The following OPCML variants were observed in gnomAD, a reference collection of about 807,000 sequenced individuals.
The protein encoded by OPCML is opioid binding protein/cell adhesion molecule like.
Under a neutral mutation model 37.8 loss-of-function variants are expected in OPCML, and 13 were observed. The ratio of observed to expected loss-of-function variants is 0.34; its 90% confidence interval spans 0.22 to 0.55. The LOEUF (loss-of-function observed/expected upper bound fraction) is 0.55. Among genes scored for constraint, OPCML ranks in the 20% least tolerant of loss-of-function variants. The pLI, the probability that OPCML is intolerant of heterozygous loss-of-function variation, is 0.91. For missense variants in OPCML, 341 were observed against 435.6 expected, an observed-to-expected ratio of 0.78 and a Z score of 1.93; for synonymous variants, 176 against 168.8, an observed-to-expected ratio of 1.04 and a Z score of -0.33.
intron 1 of OPCML, among the ~76,000 whole-genome samples, chr11:133,481,283 C>A (rs1384305994): frequency 2.0e-5 from 3 of 151,878 alleles, no homozygotes; most frequent in Non-Finnish European, 4.4e-5. Context: ...CTTAAAAGAC[C>A]CTTAAATAAT....
intron 2 of OPCML, among the ~76,000 whole-genome samples, chr11:132,931,658 A>G (rs1055839673): frequency 6.6e-6 from 1 of 152,210 alleles, no homozygotes; most frequent in Non-Finnish European, 1.5e-5. Context: ...GAAACAGAAA[A>G]TAAGTGTTGG....
Position 132,486,004 on chromosome 11 carries a change from G to A in OPCML, c.505+43057C>T, listed in dbSNP as rs143056767. Among the ~76,000 whole-genome samples the A allele has an allele frequency of 2.4e-3, 366 of 152,316 alleles. 1 individual carries two copies. The Middle Eastern group carries it at 0.034, about 14-fold the overall frequency. On this transcript the variant is annotated intron_variant, in intron 4 of 7. Coordinates refer to ENST00000524381, the MANE Select transcript of OPCML (RefSeq NM_001012393.5). ...CTCACCCTGTTTTAAACTCTCTGCA[G>A]TGATTATCAACTTACAGGAGTTCCA...
chr11:133,397,185 G>A (rs1196777782), intron 1 of OPCML, among the ~76,000 whole-genome samples: 3 of 152,222 alleles, frequency 2.0e-5, no homozygotes, highest in Non-Finnish European at 2.9e-5. Flanking sequence ...GGATAAAAAT[G>A]TAGGCAGTCT....
intron 3 of OPCML, among the ~76,000 whole-genome samples, chr11:132,601,965 A>C (rs888166372): frequency 2.0e-5 from 3 of 152,176 alleles, no homozygotes; most frequent in African/African-American, 7.2e-5. Context: ...TATTCCATGC[A>C]TTCTCTATTC....
At chr11:132,935,157 G>C (rs1208897780) in intron 2 of OPCML, among the ~76,000 whole-genome samples, 3 of 146,000 alleles carry the variant, frequency 2.1e-5, no homozygotes, top group Admixed American at 6.8e-5. Flanking sequence ...AAAAAAAAAA[G>C]CTACATATTT....
intron 1 of OPCML, among the ~76,000 whole-genome samples, chr11:133,380,402 T>C (rs928549719): frequency 6.6e-6 from 1 of 152,234 alleles, no homozygotes; most frequent in African/African-American, 2.4e-5. Flanking sequence ...TGATCTTCAC[T>C]AAGCATGCTC....
At chr11:133,158,712 A>ATAAAATAAAAT (rs1555105904) in intron 1 of OPCML, among the ~76,000 whole-genome samples, 4 of 134,204 alleles carry the variant, frequency 3.0e-5, no homozygotes, top group African/African-American at 1.2e-4. Context: ...ATAAAATTAA[A>ATAAAATAAAAT]AAAATAAAAT....
chr11:132,827,070 T>C (rs751787671), intron 2 of OPCML, among the ~76,000 whole-genome samples: 2 of 152,182 alleles, frequency 1.3e-5, no homozygotes, highest in Non-Finnish European at 2.9e-5. Context: ...TTGTTTCTTT[T>C]TAAGAACAGA....
chr11:133,391,595 C>A (rs565164749), intron 1 of OPCML, among the ~76,000 whole-genome samples: 1 of 152,102 alleles, frequency 6.6e-6, no homozygotes, highest in Non-Finnish European at 1.5e-5. Flanking sequence ...AAGCAGGACG[C>A]GTTCCAAGCA....
chr11:132,844,461 G>T (rs1272491217), intron 2 of OPCML, among the ~76,000 whole-genome samples: 2 of 152,144 alleles, frequency 1.3e-5, no homozygotes, highest in Non-Finnish European at 2.9e-5. Context: ...TTTGTATTAT[G>T]TAGGGAATGA....
Position 132,503,077 on chromosome 11 carries a change from C to T in OPCML, c.505+25984G>A, listed in dbSNP as rs145715527. ...AGCAGAGTCACCTGGGGTCTTCCCC[C>T]GCTATTCTACACTGCCAGTGCAGAA... On this transcript the variant is annotated intron_variant, in intron 4 of 7. Coordinates refer to ENST00000524381, the MANE Select transcript of OPCML (RefSeq NM_001012393.5). Among the ~76,000 whole-genome samples, 907 of 152,254 alleles carry T rather than the reference C, an allele frequency of 6.0e-3. 5 individuals carry two copies. Among genetic ancestry groups the T allele is most frequent in the Non-Finnish European group, 9.5e-3 (647 of 68,018 alleles).
At chr11:133,368,039 C>T (rs973743210) in intron 1 of OPCML, among the ~76,000 whole-genome samples, 1 of 152,198 alleles carries the variant, frequency 6.6e-6, no homozygotes, top group Non-Finnish European at 1.5e-5. Flanking sequence ...ATGCAAAGAA[C>T]TTAGGCAGTC....
intron 2 of OPCML, among the ~76,000 whole-genome samples, chr11:132,733,794 A>G (rs1945164442): frequency 6.6e-6 from 1 of 152,226 alleles, no homozygotes; most frequent in South Asian, 2.1e-4. Context: ...TGGGTAAGAA[A>G]AGAAACTAGC....
intron 1 of OPCML, among the ~76,000 whole-genome samples, chr11:133,055,773 G>A (rs987892551): frequency 3.3e-5 from 5 of 150,448 alleles, no homozygotes; most frequent in Non-Finnish European, 4.4e-5. Context: ...ACTCCATGAG[G>A]GAGCCACCTC....
At chr11:133,243,768 A>G (rs1592136482) in intron 1 of OPCML, among the ~76,000 whole-genome samples, 3 of 152,220 alleles carry the variant, frequency 2.0e-5, no homozygotes, top group South Asian at 2.1e-4. Flanking sequence ...TGAGATGAGG[A>G]TATAAAGACA....
In OPCML at chr11:132,953,528, C is replaced by T. The variant is rs1036234903; in HGVS notation, c.62-10518G>A. On this transcript the variant is annotated intron_variant, in intron 1 of 7. Coordinates refer to ENST00000524381, the MANE Select transcript of OPCML (RefSeq NM_001012393.5). ...GCCTCATTGCTTTATAGTCACACCT[C>T]ATATAGTTCTATAAATCCAATAACA... Among the ~76,000 whole-genome samples the T allele has an allele frequency of 1.3e-4, 20 of 152,274 alleles. No individual in the cohort carries two copies. The East Asian group carries it at 2.5e-3, about 19-fold the overall frequency.
At chr11:133,047,429 T>C (rs576945563) in intron 1 of OPCML, among the ~76,000 whole-genome samples, 82 of 152,250 alleles carry the variant, frequency 5.4e-4, no homozygotes, top group Non-Finnish European at 8.4e-4. Flanking sequence ...TTGTTATTTA[T>C]TATTCAATAA....
chr11:132,793,459 G>A (rs1938076895), intron 2 of OPCML, among the ~76,000 whole-genome samples: 1 of 152,142 alleles, frequency 6.6e-6, no homozygotes, highest in Admixed American at 6.5e-5. Context: ...CTCTGATTCT[G>A]TCCCCTTCTC....
chr11:133,492,116 C>T (rs559538699), intron 1 of OPCML, among the ~76,000 whole-genome samples: 2 of 152,262 alleles, frequency 1.3e-5, no homozygotes, highest in Admixed American at 6.5e-5. Context: ...AGGCAAACCT[C>T]GCCAGTGCTC....
Sources: allele counts gnomAD v4.1 joint callset (sites outside exome capture counted in the v4.1 genomes callset), GRCh38; gene constraint gnomAD v4.1.1; transcripts MANE v1.5; gene names NCBI Gene and HGNC (gene_info 2026-07-23, HGNC 2026-07-21).